The following BRD10 variants were observed in gnomAD, a reference collection of about 807,000 sequenced individuals.
BRD10 encodes the protein bromodomain containing 10.
the BRD10 span, among the ~76,000 whole-genome samples, chr9:5,895,383 CTTTT>C: frequency 7.0e-6 from 1 of 143,766 alleles, no homozygotes; most frequent in African/African-American, 2.5e-5. Flanking sequence ...GGGCCATCTT[CTTTT>C]TTTTTTTTTA....
At chr9:5,944,541 G>A in the BRD10 span, among the ~76,000 whole-genome samples, 1 of 151,856 alleles carries the variant, frequency 6.6e-6, no homozygotes, top group Non-Finnish European at 1.5e-5. Context: ...TCCATTAAAA[G>A]CATATAATTA....
At chr9:6,007,996 G>C in the BRD10 span, 44 of 1,274,972 alleles carry the variant, frequency 3.5e-5, no homozygotes, top group South Asian at 1.8e-4. Flanking sequence ...GCGCGAGGAG[G>C]GGGGAGAGAA....
the BRD10 span, chr9:5,920,824 A>C: frequency 2.5e-6 from 4 of 1,614,012 alleles, no homozygotes; most frequent in East Asian, 8.9e-5. Flanking sequence ...GTGTAGTTGA[A>C]ATCAGAACAG....
the BRD10 span, among the ~76,000 whole-genome samples, chr9:5,961,754 A>T: frequency 6.6e-6 from 1 of 152,196 alleles, no homozygotes; most frequent in South Asian, 2.1e-4. Context: ...TTCAAAACTT[A>T]AAAAGGAGGA....
the BRD10 span, among the ~76,000 whole-genome samples, chr9:5,994,409 T>C: frequency 6.6e-6 from 1 of 152,182 alleles, no homozygotes; most frequent in African/African-American, 2.4e-5. Flanking sequence ...ACAAAAAGGT[T>C]TTCAGGAAAA....
At chr9:5,930,506 T>A in the BRD10 span, among the ~76,000 whole-genome samples, 43,921 of 151,364 alleles carry the variant, frequency 0.29, 6,540 homozygotes, top group Middle Eastern at 0.4. Context: ...TTATGCACAT[T>A]AACAGGTAAA....
At chr9:5,886,624 T>C in the BRD10 span, among the ~76,000 whole-genome samples, 12 of 152,160 alleles carry the variant, frequency 7.9e-5, no homozygotes, top group Admixed American at 3.9e-4. Flanking sequence ...TGGGACTAGA[T>C]TGCCAGGGGA....
At chr9:5,913,392 C>T in the BRD10 span, among the ~76,000 whole-genome samples, 1 of 152,162 alleles carries the variant, frequency 6.6e-6, no homozygotes, top group Non-Finnish European at 1.5e-5. Flanking sequence ...ATCTGTCAAT[C>T]TCAAGTAACC....
chr9:6,007,917 C>T, the BRD10 span: 5 of 1,337,614 alleles, frequency 3.7e-6, no homozygotes, highest in South Asian at 7.8e-5. Context: ...TGGCTCTCCT[C>T]AGCCGCCGGC....
the BRD10 span, among the ~76,000 whole-genome samples, chr9:5,996,579 C>G: frequency 6.6e-6 from 1 of 152,302 alleles, no homozygotes; most frequent in South Asian, 2.1e-4. Flanking sequence ...GATCTGCCCA[C>G]CTCTGCCTCC....
the BRD10 span, chr9:6,008,368 GGAGAAAGGGGAGGGGCAGGGA>G: frequency 1.1e-6 from 1 of 950,418 alleles, no homozygotes; most frequent in Non-Finnish European, 1.3e-6. Flanking sequence ...CGGTGAGGGG[GGAGAAAGGGGAGGGGCAGGGA>G]GAGAAGGGGG....
chr9:5,921,176 T>A, the BRD10 span: 1 of 1,613,948 alleles, frequency 6.2e-7, no homozygotes, highest in Non-Finnish European at 8.5e-7. Flanking sequence ...ACTTTTGTCT[T>A]CTCCTTTTGG....
the BRD10 span, among the ~76,000 whole-genome samples, chr9:5,946,361 G>A: frequency 6.6e-6 from 1 of 151,986 alleles, no homozygotes; most frequent in African/African-American, 2.4e-5. Flanking sequence ...GATGTAGTGG[G>A]ACAGTGTAGC....
At chr9:5,883,502 T>C in the BRD10 span, among the ~76,000 whole-genome samples, 2 of 146,904 alleles carry the variant, frequency 1.4e-5, no homozygotes, top group African/African-American at 5.1e-5. Context: ...GTCTTGCTCT[T>C]TCACACAGGC....
the BRD10 span, among the ~76,000 whole-genome samples, chr9:5,905,483 C>T: frequency 1.3e-4 from 20 of 152,194 alleles, no homozygotes; most frequent in Non-Finnish European, 2.8e-4. Context: ...AGGGTTAAAT[C>T]ATGCCCTTCA....
the BRD10 span, among the ~76,000 whole-genome samples, chr9:5,945,527 T>G: frequency 2.0e-5 from 3 of 152,140 alleles, no homozygotes; most frequent in Non-Finnish European, 2.9e-5. Context: ...TAGTCTTTAA[T>G]AAAACCATCT....
the BRD10 span, among the ~76,000 whole-genome samples, chr9:5,899,746 C>A: frequency 6.6e-6 from 1 of 152,190 alleles, no homozygotes; most frequent in East Asian, 1.9e-4. Context: ...CCGCTTTCCC[C>A]TATGTATGAA....
the BRD10 span, chr9:5,899,115 G>A: frequency 6.6e-6 from 1 of 152,156 alleles, no homozygotes; most frequent in Non-Finnish European, 1.5e-5. Context: ...ATTCTCCATA[G>A]ATCTCGCTGT....
the BRD10 span, chr9:6,008,115 G>C: frequency 4.1e-6 from 4 of 983,878 alleles, no homozygotes; most frequent in Non-Finnish European, 4.8e-6. Context: ...TCACCGGCCA[G>C]GCCCTGCCGG....
Sources: allele counts gnomAD v4.1 joint callset (sites outside exome capture counted in the v4.1 genomes callset), GRCh38; gene constraint gnomAD v4.1.1; transcripts MANE v1.5; gene names NCBI Gene and HGNC (gene_info 2026-07-23, HGNC 2026-07-21).